The following TRAPPC11 variants were observed in gnomAD, a reference collection of about 807,000 sequenced individuals.
TRAPPC11 encodes the protein trafficking protein particle complex subunit 11, also known as foie gras homolog.
Under a neutral mutation model 151.2 loss-of-function variants are expected in TRAPPC11, and 104 were observed. That is an observed-to-expected ratio of 0.69 (90% CI 0.59 to 0.81). The LOEUF is 0.81. Ranked by LOEUF, TRAPPC11 falls within the 30% of genes least tolerant of loss-of-function variation. The probability of loss-of-function intolerance (pLI) is 0.00; values close to 1 mark genes in which losing one functional copy is unlikely to be tolerated. For missense variants in TRAPPC11, 1,230 were observed against 1,349.6 expected, an observed-to-expected ratio of 0.91 and a Z score of 1.39; for synonymous variants, 456 against 472.3, an observed-to-expected ratio of 0.97 and a Z score of 0.45.
intron 1 of TRAPPC11, among the ~76,000 whole-genome samples, chr4:183,660,525 A>G (rs1219210175): frequency 6.6e-6 from 1 of 152,204 alleles, no homozygotes; most frequent in African/African-American, 2.4e-5. Flanking sequence ...ACTGCTAGAA[A>G]TTTTTAATTT....
In TRAPPC11 at chr4:183,686,576, T is replaced by C. The variant is rs760040788; in HGVS notation, c.1763-42T>C. 3 of 1,605,984 alleles carry C rather than the reference T, an allele frequency of 1.9e-6. No homozygotes were observed. The Admixed American group carries it at 5.1e-5, about 27-fold the overall frequency. The stretch of plus-strand genomic sequence containing the variant: ...TAACAGGATGTGTGTGGGTCGTGGG[T>C]ATCTGGTTGTGCATAACACAGCCCT... On this transcript the variant is annotated intron_variant, in intron 17 of 29. Transcript: ENST00000334690.
At position 183,693,677 on chromosome 4, in the gene TRAPPC11, G is replaced by A; in HGVS notation, c.2326G>A (p.Val776Ile). 1 of 1,614,124 alleles carries A rather than the reference G, an allele frequency of 6.2e-7. No homozygotes were observed. Among genetic ancestry groups the A allele is most frequent in the Non-Finnish European group, 8.5e-7 (1 of 1,180,026 alleles). The part of the protein sequence containing the change: ...TNEMYCLVVT[V>I]QSHEKTQIRD... ...TGAAATGTATTGTTTGGTTGTGACT[G>A]TTCAGTCCCATGAAAAGACCCAAAT... Residue 776 changes from valine to isoleucine, a missense_variant, in exon 21 of 30, where the codon GTT (valine) becomes ATT (isoleucine). By Grantham distance (29) the Val-to-Ile change is conservative. Coordinates refer to ENST00000334690, the MANE Select transcript of TRAPPC11 (RefSeq NM_021942.6).
intron 18 of TRAPPC11, among the ~76,000 whole-genome samples, chr4:183,687,633 AT>A: frequency 6.6e-6 from 1 of 151,866 alleles, no homozygotes; most frequent in East Asian, 1.9e-4. Flanking sequence ...CTGGCCTTAA[AT>A]TTTTTTTATA....
chr4:183,698,797 C>T (rs1579215133), intron 25 of TRAPPC11, among the ~76,000 whole-genome samples: 1 of 152,176 alleles, frequency 6.6e-6, no homozygotes, highest in African/African-American at 2.4e-5. Context: ...TGCATTCCCT[C>T]GTCCAGTTGG....
At chr4:183,661,453 G>C (rs1300724470) in intron 1 of TRAPPC11, among the ~76,000 whole-genome samples, 1 of 129,968 alleles carries the variant, frequency 7.7e-6, no homozygotes, top group Non-Finnish European at 1.6e-5. Context: ...CTCACTGCAA[G>C]CTCCGCCTCC....
At position 183,668,034 on chromosome 4, in the gene TRAPPC11, A is replaced by C; in HGVS notation, c.477A>C (p.Ala159=). The change falls in exon 5 of 30, where the codon GCA becomes GCC. Residue 159 remains alanine, a synonymous_variant. Coordinates refer to ENST00000334690, the MANE Select transcript of TRAPPC11 (RefSeq NM_021942.6). ...GEDVIASERA[A]ALCNACELSG... ...ATGTCATTGCTTCAGAAAGGGCTGC[A>C]GCTTTATGCAATGCATGTGAACTCT... 6.2e-7 allele frequency: 1 copy of C among 1,613,510 alleles called. No individual in the cohort carries two copies.
At chr4:183,693,567 T>C (rs746766666) in intron 20 of TRAPPC11, 22 bp from the exon 21 acceptor site, 1 of 1,584,868 alleles carries the variant, frequency 6.3e-7, no homozygotes, top group Admixed American at 2.0e-5. Flanking sequence ...ATCAGTTACT[T>C]AGCTAAGGTT....
intron 3 of TRAPPC11, among the ~76,000 whole-genome samples, chr4:183,666,665 T>C (rs946433717): frequency 6.6e-6 from 1 of 152,252 alleles, no homozygotes; most frequent in Non-Finnish European, 1.5e-5. Flanking sequence ...TCTTGTATTA[T>C]CTTTTTTGGA....
rs1736593278 is a variant in TRAPPC11 at position 183,697,485 on chromosome 4, C to G, written c.2629-18C>G. On this transcript the variant is annotated intron_variant, in intron 23 of 29. Coordinates refer to ENST00000334690, the MANE Select transcript of TRAPPC11 (RefSeq NM_021942.6). ...GATTTAGAAAATCCATGAATGTGCC[C>G]TTTACATTTTCTTGCAGGATGAAAC... is the stretch of plus-strand genomic sequence containing the variant. 1.9e-6 allele frequency: 3 copies of G among 1,593,796 alleles called. No homozygotes were observed. Among genetic ancestry groups the G allele is most frequent in the Non-Finnish European group, 2.6e-6 (3 of 1,175,028 alleles).
intron 26 of TRAPPC11, 82 bp downstream of exon 26, chr4:183,701,890 T>C (rs1184862099): frequency 1.0e-6 from 1 of 967,366 alleles, no homozygotes; most frequent in African/African-American, 1.6e-5. Context: ...TCACTTAATA[T>C]TTGAGAGTTT....
At chr4:183,689,055 T>C (rs13149502) in intron 18 of TRAPPC11, among the ~76,000 whole-genome samples, 22,414 of 152,162 alleles carry the variant, frequency 0.15, 1,785 homozygotes, top group East Asian at 0.19. Context: ...TTGAGAATTT[T>C]AAAGCAAGAG....
At chr4:183,678,543 A>C (rs1735525292) in intron 8 of TRAPPC11, among the ~76,000 whole-genome samples, 1 of 152,244 alleles carries the variant, frequency 6.6e-6, no homozygotes, top group South Asian at 2.1e-4. Flanking sequence ...AGTGATATGG[A>C]ATAATACCCA....
chr4:183,703,047 A>G (rs967821317), intron 26 of TRAPPC11, among the ~76,000 whole-genome samples: 2 of 152,236 alleles, frequency 1.3e-5, no homozygotes, highest in African/African-American at 4.8e-5. Flanking sequence ...TATGTTTAGT[A>G]TATGTAATTA....
intron 27 of TRAPPC11, among the ~76,000 whole-genome samples, chr4:183,706,394 G>T (rs891265953): frequency 1.3e-5 from 2 of 152,030 alleles, no homozygotes; most frequent in Non-Finnish European, 2.9e-5. Flanking sequence ...ATGGTGGCGG[G>T]CACCTGTAGT....
intron 1 of TRAPPC11, among the ~76,000 whole-genome samples, chr4:183,662,441 G>A (rs1273368961): frequency 1.3e-5 from 2 of 151,772 alleles, no homozygotes; most frequent in East Asian, 3.9e-4. Flanking sequence ...TCTTGTTCGG[G>A]ATAAACATAG....
chr4:183,699,925 T>C (rs1018148962), intron 25 of TRAPPC11, among the ~76,000 whole-genome samples: 18 of 151,900 alleles, frequency 1.2e-4, no homozygotes, highest in African/African-American at 3.9e-4. Flanking sequence ...CCCGGGTTCA[T>C]GCCATTCTCC....
At chr4:183,666,233 T>C (rs1271282971) in intron 2 of TRAPPC11, 24 bp from the exon 3 acceptor site, 2 of 1,602,540 alleles carry the variant, frequency 1.2e-6, no homozygotes, top group South Asian at 1.1e-5. Context: ...CAGGTAACTT[T>C]TCAATTTCTG....
At chr4:183,680,436 C>G (rs913743905) in intron 10 of TRAPPC11, among the ~76,000 whole-genome samples, 169 bp downstream of exon 10, 1 of 152,124 alleles carries the variant, frequency 6.6e-6, no homozygotes, top group African/African-American at 2.4e-5. Context: ...CCTGAGTACT[C>G]TGTTTTCACC....
chr4:183,684,589 A>G (rs1735868019), intron 14 of TRAPPC11, 107 bp from the exon 15 acceptor site: 3 of 1,277,886 alleles, frequency 2.3e-6, no homozygotes, highest in Non-Finnish European at 3.3e-6. Context: ...CATCTCAGTA[A>G]GATTTTTCTA....
Sources: gnomAD v4.1 joint callset for allele counts (sites outside exome capture counted in the v4.1 genomes callset) on GRCh38, gnomAD v4.1.1 for gene constraint, MANE v1.5 for transcripts, NCBI Gene and HGNC (gene_info 2026-07-23, HGNC 2026-07-21) for gene names.